Variants in LGSN observed in about 807,000 individuals in gnomAD.
The protein encoded by LGSN is lengsin, lens protein with glutamine synthetase domain, also known as lengsin.
A neutral mutation model predicts 19.5 loss-of-function variants in LGSN; 21 were observed. The ratio of observed to expected loss-of-function variants is 1.07; its 90% CI spans 0.76 to 1.55. LGSN has a LOEUF of 1.55. LGSN is among the 40% of genes most tolerant of loss of function. LGSN has a pLI of 0.00. For missense variants in LGSN, 673 were observed against 608.5 expected (o/e 1.11, Z -1.12); for synonymous variants, 257 against 215.6 (o/e 1.19, Z -1.68).
At chr6:63,499,067 A>G in the LGSN span, among the ~76,000 whole-genome samples, 29 of 152,272 alleles carry the variant, frequency 1.9e-4, no homozygotes, top group African/African-American at 6.5e-4. Flanking sequence ...AGTCAAGTGA[A>G]TCTGCTTTGT....
chr6:63,356,407 T>C, the LGSN span, among the ~76,000 whole-genome samples: 1 of 152,002 alleles, frequency 6.6e-6, no homozygotes. Context: ...CTGGGTGTGG[T>C]GGCTCGTGCC....
chr6:63,297,655 C>T (rs1011159321), intron 1 of LGSN, among the ~76,000 whole-genome samples: 2 of 152,174 alleles, frequency 1.3e-5, no homozygotes, highest in Non-Finnish European at 2.9e-5. Context: ...AAAAAACTTA[C>T]TAGCCCAGAT....
the LGSN span, among the ~76,000 whole-genome samples, chr6:63,491,278 A>G: frequency 1.3e-5 from 2 of 152,182 alleles, no homozygotes; most frequent in Non-Finnish European, 2.9e-5. Flanking sequence ...CCTGCCCTAC[A>G]GCAATGCTTT....
At chr6:63,560,444 C>T in the LGSN span, among the ~76,000 whole-genome samples, 3 of 142,816 alleles carry the variant, frequency 2.1e-5, no homozygotes, top group East Asian at 2.2e-4. Context: ...TTCTGTTGGG[C>T]GGGCTGGAAG....
chr6:63,473,227 C>T, the LGSN span, among the ~76,000 whole-genome samples: 1 of 151,892 alleles, frequency 6.6e-6, no homozygotes, highest in Admixed American at 6.6e-5. Flanking sequence ...AATCCCAGCA[C>T]TTTGGGAGAC....
At chr6:63,317,428 G>A (rs1478858820) in intron 1 of LGSN, among the ~76,000 whole-genome samples, 1 of 152,164 alleles carries the variant, frequency 6.6e-6, no homozygotes, top group Non-Finnish European at 1.5e-5. Context: ...TTAATCCACT[G>A]CCCTTGAAAC....
the LGSN span, among the ~76,000 whole-genome samples, chr6:63,333,157 T>C: frequency 6.6e-6 from 1 of 152,052 alleles, no homozygotes; most frequent in Non-Finnish European, 1.5e-5. Flanking sequence ...TCAGGCAGCC[T>C]GCTTTTATTC....
the LGSN span, among the ~76,000 whole-genome samples, chr6:63,407,027 G>A: frequency 3.9e-5 from 6 of 152,080 alleles, no homozygotes; most frequent in Non-Finnish European, 5.9e-5. Context: ...TGTAATTGAG[G>A]CAATAATCAA....
At chr6:63,550,667 C>A in the LGSN span, among the ~76,000 whole-genome samples, 1 of 152,240 alleles carries the variant, frequency 6.6e-6, no homozygotes, top group African/African-American at 2.4e-5. Context: ...CTCTGTTGCC[C>A]AGGCTGGAGT....
the LGSN span, among the ~76,000 whole-genome samples, chr6:63,370,879 T>G: frequency 6.6e-6 from 1 of 152,168 alleles, no homozygotes; most frequent in African/African-American, 2.4e-5. Context: ...GAAAAAGCAT[T>G]TTTCCTGCTT....
chr6:63,363,864 C>A, the LGSN span, among the ~76,000 whole-genome samples: 1 of 152,076 alleles, frequency 6.6e-6, no homozygotes, highest in African/African-American at 2.4e-5. Flanking sequence ...CAAAGATACT[C>A]CTCCAGAAGA....
chr6:63,427,159 C>T, the LGSN span, among the ~76,000 whole-genome samples: 1 of 151,832 alleles, frequency 6.6e-6, no homozygotes, highest in Non-Finnish European at 1.5e-5. Flanking sequence ...ATTCTCCTGC[C>T]TCAGCCTCCC....
the LGSN span, among the ~76,000 whole-genome samples, chr6:63,449,879 G>A: frequency 6.6e-6 from 1 of 152,080 alleles, no homozygotes; most frequent in African/African-American, 2.4e-5. Flanking sequence ...TGAAAATAAT[G>A]AGCTGTCACA....
At chr6:63,535,501 C>G in the LGSN span, among the ~76,000 whole-genome samples, 1 of 152,108 alleles carries the variant, frequency 6.6e-6, no homozygotes, top group African/African-American at 2.4e-5. Flanking sequence ...ATGCATTTCC[C>G]TCCTTAATTA....
the LGSN span, among the ~76,000 whole-genome samples, chr6:63,516,055 T>C: frequency 6.6e-6 from 1 of 152,344 alleles, no homozygotes; most frequent in East Asian, 1.9e-4. Flanking sequence ...TATTTATTCT[T>C]ATTGGCTCTA....
chr6:63,434,389 G>A, the LGSN span, among the ~76,000 whole-genome samples: 128 of 146,928 alleles, frequency 8.7e-4, 1 homozygote, highest in Non-Finnish European at 1.1e-3. Context: ...GCAGTGAGCC[G>A]AGATCGCACC....
chr6:63,435,649 C>A, the LGSN span, among the ~76,000 whole-genome samples: 1 of 151,866 alleles, frequency 6.6e-6, no homozygotes, highest in Non-Finnish European at 1.5e-5. Context: ...AAATCCAAAT[C>A]CTACCAGGTC....
the LGSN span, among the ~76,000 whole-genome samples, chr6:63,354,813 GA>G: frequency 6.6e-6 from 1 of 151,890 alleles, no homozygotes; most frequent in Non-Finnish European, 1.5e-5. Context: ...AAAAGAATGA[GA>G]TAATACCATT....
chr6:63,496,613 T>G, the LGSN span, among the ~76,000 whole-genome samples: 1 of 148,982 alleles, frequency 6.7e-6, no homozygotes, highest in Non-Finnish European at 1.5e-5. Context: ...TAGAGGTATT[T>G]GCTCCTTTTT....
Sources: allele counts gnomAD v4.1 joint callset (sites outside exome capture counted in the v4.1 genomes callset), GRCh38; gene constraint gnomAD v4.1.1; transcripts MANE v1.5; gene names NCBI Gene and HGNC (gene_info 2026-07-23, HGNC 2026-07-21).